The following TENM3 variants were observed in gnomAD, a reference collection of about 807,000 sequenced individuals.
TENM3 encodes teneurin-3.
TENM3 carries 63 observed loss-of-function variants against 255.1 expected under a neutral mutation model. That is an observed-to-expected ratio of 0.25 (90% confidence interval 0.20 to 0.30). TENM3 has a LOEUF of 0.30. TENM3 is among the 10% of genes least tolerant of loss of function. The pLI is 1.00. For missense variants in TENM3, 2,929 were observed against 3,461.1 expected, an observed-to-expected ratio of 0.85 and a Z score of 3.86; for synonymous variants, 1,306 against 1,322.3, an observed-to-expected ratio of 0.99 and a Z score of 0.27.
the TENM3 span, among the ~76,000 whole-genome samples, chr4:181,888,618 G>GTGTGTGTGTGTGTGTGTGGA: frequency 5.4e-5 from 6 of 111,792 alleles, no homozygotes; most frequent in African/African-American, 1.3e-4. Context: ...GTGTGTGTGT[G>GTGTGTGTGTGTGTGTGTGGA]GAAAGAGAGA....
At chr4:182,386,591 C>T (rs947560675) in intron 3 of TENM3, among the ~76,000 whole-genome samples, 13 of 152,184 alleles carry the variant, frequency 8.5e-5, no homozygotes, top group Admixed American at 3.3e-4. Context: ...TGGGGCTGCG[C>T]GCAGCGCTTG....
the TENM3 span, among the ~76,000 whole-genome samples, chr4:182,051,718 T>G: frequency 6.6e-6 from 1 of 152,162 alleles, no homozygotes. Flanking sequence ...AGTTGCCTAC[T>G]TTGGAGGAAC....
At chr4:182,091,489 G>T in the TENM3 span, among the ~76,000 whole-genome samples, 1 of 152,210 alleles carries the variant, frequency 6.6e-6, no homozygotes, top group East Asian at 1.9e-4. Flanking sequence ...CTAAAGGAAA[G>T]AGGTGAGGTT....
rs775774806 is a variant in TENM3, at chr4:182,793,124, A to G, written c.6452A>G (p.Tyr2151Cys). ...VYLNEKIMWR[Y>C]NYDLNGNLHL... ...CTCAATGAAAAGATAATGTGGCGGT[A>G]CAACTACGATCTGAATGGAAACCTC... The change falls in exon 26 of 28, where the codon TAC (tyrosine) becomes TGC (cysteine). Residue 2151 changes from tyrosine to cysteine, a missense_variant. By Grantham distance (194) the Tyr-to-Cys change is radical (BLOSUM62 -2). Transcript: ENST00000511685. This position sits in a 1 kb window ranked among gnomAD's most constrained non-coding sequence, Gnocchi z 5.7. 6.2e-7 allele frequency: 1 copy of G among 1,614,048 alleles called. No individual in the cohort carries two copies. Among genetic ancestry groups the G allele is most frequent in the South Asian group, 1.1e-5 (1 of 91,084 alleles).
At chr4:182,228,902 T>C (rs1756374840) in intron 1 of TENM3, among the ~76,000 whole-genome samples, 2 of 152,164 alleles carry the variant, frequency 1.3e-5, no homozygotes, top group South Asian at 4.2e-4. Context: ...CTGACATCTT[T>C]TCCTTTGTGG....
At chr4:181,573,635 C>A in the TENM3 span, among the ~76,000 whole-genome samples, 1 of 152,134 alleles carries the variant, frequency 6.6e-6, no homozygotes, top group African/African-American at 2.4e-5. Flanking sequence ...GCAGAGATTT[C>A]TCTGTCTGTC....
chr4:182,180,536 T>C (rs1194193251), intron 1 of TENM3, among the ~76,000 whole-genome samples: 1 of 152,178 alleles, frequency 6.6e-6, no homozygotes, highest in Non-Finnish European at 1.5e-5. Context: ...TTAGATGAGT[T>C]TCATAAAGTC....
At chr4:181,581,409 C>G in the TENM3 span, among the ~76,000 whole-genome samples, 1 of 152,070 alleles carries the variant, frequency 6.6e-6, no homozygotes, top group African/African-American at 2.4e-5. Context: ...CCACTGCCCT[C>G]CAGCCTGGGC....
At chr4:182,213,934 T>G (rs1755239676) in intron 1 of TENM3, among the ~76,000 whole-genome samples, 1 of 152,208 alleles carries the variant, frequency 6.6e-6, no homozygotes, top group South Asian at 2.1e-4. Context: ...CCCGAGTAGC[T>G]GGGACTACAG....
chr4:182,123,900 G>A, the TENM3 span, among the ~76,000 whole-genome samples: 4 of 152,302 alleles, frequency 2.6e-5, no homozygotes, highest in East Asian at 5.8e-4. Context: ...CAGCGTGGGG[G>A]AGTCAAATAA....
chr4:181,844,550 C>T, the TENM3 span, among the ~76,000 whole-genome samples: 2 of 151,880 alleles, frequency 1.3e-5, no homozygotes, highest in Non-Finnish European at 2.9e-5. Flanking sequence ...CGCCTGTAGT[C>T]CCAGCTACTC....
chr4:182,500,342 G>T (rs1736193107), intron 3 of TENM3, among the ~76,000 whole-genome samples: 1 of 152,012 alleles, frequency 6.6e-6, no homozygotes, highest in African/African-American at 2.4e-5. Flanking sequence ...AATTTAAAAA[G>T]GGACAATAGA....
At chr4:182,597,144 T>G (rs1237119548) in intron 3 of TENM3, among the ~76,000 whole-genome samples, 4 of 152,336 alleles carry the variant, frequency 2.6e-5, no homozygotes, top group South Asian at 2.1e-4. Flanking sequence ...TCCTCACACC[T>G]GCAGTCTCAG....
At chr4:181,640,254 G>A in the TENM3 span, among the ~76,000 whole-genome samples, 1 of 152,172 alleles carries the variant, frequency 6.6e-6, no homozygotes, top group South Asian at 2.1e-4. Flanking sequence ...AGTAATCTGT[G>A]CATCAACAAG....
chr4:182,312,016 A>G (rs1762477535), intron 1 of TENM3, among the ~76,000 whole-genome samples: 1 of 152,246 alleles, frequency 6.6e-6, no homozygotes, highest in African/African-American at 2.4e-5. Context: ...AATAAATGGA[A>G]GAGCACCATA....
At chr4:181,743,500 AAGG>A in the TENM3 span, among the ~76,000 whole-genome samples, 3 of 152,154 alleles carry the variant, frequency 2.0e-5, no homozygotes, top group African/African-American at 7.2e-5. Flanking sequence ...CAAAGGCTTG[AAGG>A]AGGTGAGGGA....
chr4:181,495,295 GA>G, the TENM3 span, among the ~76,000 whole-genome samples: 1 of 152,118 alleles, frequency 6.6e-6, no homozygotes, highest in Non-Finnish European at 1.5e-5. Flanking sequence ...AAGGAGTTGG[GA>G]AATCAGCACC....
chr4:182,562,632 A>C (rs1743319719), intron 3 of TENM3, among the ~76,000 whole-genome samples: 1 of 151,992 alleles, frequency 6.6e-6, no homozygotes. Context: ...GTTTCATCTG[A>C]CTGAACACCC....
chr4:182,692,836 T>G (rs903570593), intron 12 of TENM3, among the ~76,000 whole-genome samples: 7 of 152,090 alleles, frequency 4.6e-5, no homozygotes, highest in African/African-American at 1.7e-4. Context: ...TTAAGGAGTA[T>G]TTTTAGAATG....
Sources: gnomAD v4.1 joint callset for allele counts (sites outside exome capture counted in the v4.1 genomes callset) on GRCh38, gnomAD v4.1.1 for gene constraint, Gnocchi (gnomAD v3.1) non-coding constraint, MANE v1.5 for transcripts, NCBI Gene and HGNC (gene_info 2026-07-23, HGNC 2026-07-21) for gene names.